BFSP2: variants seen among roughly 807,000 people sequenced by gnomAD.
BFSP2 encodes phakinin.
Under a neutral mutation model 44.9 loss-of-function variants are expected in BFSP2, and 38 were observed. The observed-to-expected ratio is 0.85, with a 90% CI of 0.65 to 1.11. The LOEUF is 1.11. Among genes scored for constraint, BFSP2 ranks in the 50% least tolerant of loss-of-function variants. BFSP2 has a pLI of 0.00. For missense variants in BFSP2, 525 were observed against 533.0 expected, an observed-to-expected ratio of 0.99 and a Z score of 0.15; for synonymous variants, 197 against 209.9, an observed-to-expected ratio of 0.94 and a Z score of 0.53.
At chr3:133,429,339 G>C (rs2073685366) in intron 1 of BFSP2, 1 of 152,242 alleles carries the variant, frequency 6.6e-6, no homozygotes, top group Admixed American at 6.5e-5. Flanking sequence ...ATGGAGGCTA[G>C]AAGTCCAAGA....
intron 5 of BFSP2, 110 bp from the exon 6 acceptor site, chr3:133,472,235 G>T: frequency 8.1e-7 from 1 of 1,238,060 alleles, no homozygotes; most frequent in East Asian, 2.5e-5. Flanking sequence ...TCCCTGCCAC[G>T]AGGGGAATAG....
chr3:133,436,672 T>C (rs1201380016), intron 1 of BFSP2, among the ~76,000 whole-genome samples: 3 of 152,182 alleles, frequency 2.0e-5, no homozygotes, highest in Admixed American at 1.3e-4. Flanking sequence ...TTGTTACATA[T>C]GTACACATGT....
chr3:133,440,196 T>A (rs1426395678), intron 1 of BFSP2, among the ~76,000 whole-genome samples: 1 of 142,318 alleles, frequency 7.0e-6, no homozygotes, highest in Non-Finnish European at 1.5e-5. Context: ...TATCTTACTA[T>A]CATGAGAATA....
At chr3:133,454,358 A>G (rs1464193013) in intron 4 of BFSP2, among the ~76,000 whole-genome samples, 1 of 152,100 alleles carries the variant, frequency 6.6e-6, no homozygotes, top group Admixed American at 6.5e-5. Flanking sequence ...TTTGTCCCCT[A>G]TGCTCTTACA....
At chr3:133,412,388 T>C (rs896648770) in intron 1 of BFSP2, 6 of 152,264 alleles carry the variant, frequency 3.9e-5, no homozygotes, top group Admixed American at 3.9e-4. Context: ...TGGAATTGAA[T>C]AAACTTGAAG....
intron 5 of BFSP2, 51 bp from the exon 6 acceptor site, chr3:133,472,294 A>AT: frequency 6.4e-7 from 1 of 1,561,196 alleles, no homozygotes; most frequent in Non-Finnish European, 8.7e-7. Flanking sequence ...CTCCCTCTTC[A>AT]AGGGCCCGGC....
intron 1 of BFSP2, among the ~76,000 whole-genome samples, chr3:133,425,784 G>GGAAGGGAA (rs2073639923): frequency 3.0e-4 from 4 of 13,206 alleles, no homozygotes; most frequent in African/African-American, 6.7e-4. Flanking sequence ...AAAGGGAAAG[G>GGAAGGGAA]GAAGGGAAGG....
intron 1 of BFSP2, among the ~76,000 whole-genome samples, chr3:133,413,815 T>C (rs1441909079): frequency 1.3e-5 from 2 of 152,008 alleles, no homozygotes; most frequent in Non-Finnish European, 2.9e-5. Context: ...TTGTCCTTTT[T>C]AGTTACATGT....
intron 1 of BFSP2, among the ~76,000 whole-genome samples, chr3:133,442,847 A>G (rs550208361): frequency 3.6e-4 from 54 of 151,234 alleles, no homozygotes; most frequent in African/African-American, 1.3e-3. Context: ...TTTGTGGGGA[A>G]ATTATCTAGA....
intron 1 of BFSP2, among the ~76,000 whole-genome samples, chr3:133,416,764 T>C: frequency 1.2e-5 from 1 of 84,234 alleles, no homozygotes; most frequent in Non-Finnish European, 2.3e-5. Flanking sequence ...CCCCTTTACT[T>C]GCCCCTACAC....
At position 133,474,953 on chromosome 3, in the gene BFSP2, A is replaced by G. The variant is rs1559987779; in HGVS notation, c.1245-16A>G. Reference sequence around the variant, plus strand: ...TCCTCACCCATTGCTTCTGACTCCTATGTGTTTCCTTTCAGCTGATGGAGA... The same window carrying G: ...TCCTCACCCATTGCTTCTGACTCCTGTGTGTTTCCTTTCAGCTGATGGAGA... On this transcript the variant is annotated splice_polypyrimidine_tract_variant and intron_variant, in intron 6 of 6. Transcript: ENST00000302334. 1.9e-6 allele frequency: 3 copies of G among 1,614,092 alleles called. No individual in the cohort carries two copies. The highest frequency in any genetic ancestry group is 2.5e-6 in the Non-Finnish European group (3 of 1,179,966).
At chr3:133,472,676 C>G (rs2074176303) in intron 6 of BFSP2, 111 bp downstream of exon 6, 1 of 1,352,980 alleles carries the variant, frequency 7.4e-7, no homozygotes, top group African/African-American at 1.4e-5. Flanking sequence ...CCCAGACTTC[C>G]TCTCACATAG....
intron 1 of BFSP2, among the ~76,000 whole-genome samples, chr3:133,433,415 T>A (rs1324479399): frequency 3.9e-5 from 6 of 152,224 alleles, no homozygotes; most frequent in African/African-American, 9.7e-5. Context: ...CAGTGTTCCA[T>A]CTGCTGTTCT....
chr3:133,448,718 C>T (rs2073927671), intron 3 of BFSP2, 73 bp downstream of exon 3: 1 of 1,557,518 alleles, frequency 6.4e-7, no homozygotes, highest in South Asian at 1.1e-5. Context: ...TGCTTCATAA[C>T]AAGGCCACAG....
chr3:133,463,300 A>G (rs59651726), intron 4 of BFSP2, among the ~76,000 whole-genome samples: 26,354 of 151,992 alleles, frequency 0.17, 2,771 homozygotes, highest in African/African-American at 0.29. Flanking sequence ...CAAGAGCAAG[A>G]CTTCATCTCA....
chr3:133,447,420 C>G, intron 2 of BFSP2, 21 bp downstream of exon 2: 1 of 1,609,450 alleles, frequency 6.2e-7, no homozygotes, highest in Non-Finnish European at 8.5e-7. Flanking sequence ...ACAGCAGAGG[C>G]GACAGTCCCT....
chr3:133,460,625 G>C (rs370383728), intron 4 of BFSP2, among the ~76,000 whole-genome samples: 1 of 152,044 alleles, frequency 6.6e-6, no homozygotes, highest in Non-Finnish European at 1.5e-5. Context: ...CTTTGTCCCC[G>C]GGGGGCTAAA....
chr3:133,424,154 C>A (rs1425059744), intron 1 of BFSP2, among the ~76,000 whole-genome samples: 2 of 150,176 alleles, frequency 1.3e-5, no homozygotes, highest in Non-Finnish European at 1.5e-5. Flanking sequence ...CGGGTTCAAG[C>A]GATTCTCCTG....
At chr3:133,431,467 G>A (rs996187905) in intron 1 of BFSP2, among the ~76,000 whole-genome samples, 5 of 152,054 alleles carry the variant, frequency 3.3e-5, no homozygotes, top group Admixed American at 6.5e-5. Flanking sequence ...CTCCTAAGCC[G>A]TGTCCCATCT....
Sources: allele counts gnomAD v4.1 joint callset (sites outside exome capture counted in the v4.1 genomes callset), GRCh38; gene constraint gnomAD v4.1.1; transcripts MANE v1.5; gene names NCBI Gene and HGNC (gene_info 2026-07-23, HGNC 2026-07-21).